The following INSYN2B variants were observed in gnomAD, a reference collection of about 807,000 sequenced individuals.
The protein encoded by INSYN2B is protein INSYN2B.
In INSYN2B, 16 loss-of-function variants were observed where a neutral mutation model predicts 41.2. That is an observed-to-expected ratio of 0.39 (90% CI 0.26 to 0.59). INSYN2B has a LOEUF of 0.59. Among genes scored for constraint, INSYN2B ranks in the 20% least tolerant of loss-of-function variants. INSYN2B has a pLI of 0.57. For missense variants in INSYN2B, 608 were observed against 646.4 expected, an observed-to-expected ratio of 0.94 and a Z score of 0.64; for synonymous variants, 245 against 244.4, an observed-to-expected ratio of 1.00 and a Z score of -0.02.
intron 1 of INSYN2B, among the ~76,000 whole-genome samples, chr5:169,896,364 C>T (rs1334400506): frequency 6.6e-6 from 1 of 152,270 alleles, no homozygotes; most frequent in East Asian, 1.9e-4. Flanking sequence ...TGGACAAGAG[C>T]TTGCATTCTG....
At chr5:169,946,933 G>T (rs983252933) in intron 1 of INSYN2B, among the ~76,000 whole-genome samples, 1 of 152,204 alleles carries the variant, frequency 6.6e-6, no homozygotes. Flanking sequence ...CGTGGGCAAG[G>T]CCCTGAGTCA....
intron 1 of INSYN2B, among the ~76,000 whole-genome samples, chr5:169,898,357 G>C (rs1773729614): frequency 1.3e-5 from 2 of 152,168 alleles, no homozygotes; most frequent in Admixed American, 6.5e-5. Context: ...CAGGTGTACT[G>C]TATGGTTAGG....
intron 1 of INSYN2B, among the ~76,000 whole-genome samples, chr5:169,900,311 T>G (rs1773850239): frequency 6.6e-6 from 1 of 152,224 alleles, no homozygotes; most frequent in South Asian, 2.1e-4. Flanking sequence ...GAGCCAGGCT[T>G]TCTATGATGA....
rs535908345 is a variant in INSYN2B, at chr5:169,862,784, C to G, written c.*1489G>C. ...TCACTATGACAGGGGAAGGTGAAAC[C>G]ATCGGAGTGGTTTGCTCAATTAGGC... On this transcript the variant is annotated 3_prime_UTR_variant, in exon 4 of 4. Coordinates refer to ENST00000377365, the MANE Select transcript of INSYN2B (RefSeq NM_001129891.3). 6.6e-6 allele frequency among the ~76,000 whole-genome samples: 1 copy of G among 152,158 alleles called. No homozygotes were observed. The highest frequency in any genetic ancestry group is 1.5e-5 in the Non-Finnish European group (1 of 68,034).
intron 1 of INSYN2B, among the ~76,000 whole-genome samples, chr5:169,947,909 A>G (rs1776509910): frequency 6.6e-6 from 1 of 152,100 alleles, no homozygotes; most frequent in Non-Finnish European, 1.5e-5. Context: ...ATAAAAAGTA[A>G]ATGTCACACC....
rs1009998350 is a variant in INSYN2B at position 169,863,253 on chromosome 5, G to T, written c.*1020C>A. On this transcript the variant is annotated 3_prime_UTR_variant, in exon 4 of 4. Coordinates refer to ENST00000377365, the MANE Select transcript of INSYN2B (RefSeq NM_001129891.3). Reference sequence around the variant, plus strand: ...CTAGTTTTTCAATCAGGTGACCATTGTCTGGTCACCAGGAAGGGAGACTGT... The same window carrying T: ...CTAGTTTTTCAATCAGGTGACCATTTTCTGGTCACCAGGAAGGGAGACTGT... 6.6e-6 allele frequency among the ~76,000 whole-genome samples: 1 copy of T among 152,122 alleles called. No individual in the cohort carries two copies. Among genetic ancestry groups the T allele is most frequent in the African/African-American group, 2.4e-5 (1 of 41,416 alleles).
intron 1 of INSYN2B, among the ~76,000 whole-genome samples, chr5:169,885,022 C>A (rs1043597301): frequency 2.0e-5 from 3 of 152,126 alleles, no homozygotes; most frequent in African/African-American, 7.2e-5. Flanking sequence ...TGCCTGGACC[C>A]TTTTCTCTCT....
intron 1 of INSYN2B, among the ~76,000 whole-genome samples, chr5:169,965,100 G>A (rs1000306459): frequency 4.0e-4 from 61 of 152,316 alleles, no homozygotes; most frequent in African/African-American, 1.3e-3. Flanking sequence ...ATCCATTGCT[G>A]CACATAGTAT....
intron 1 of INSYN2B, among the ~76,000 whole-genome samples, chr5:169,914,297 T>A (rs1774760733): frequency 6.6e-6 from 1 of 152,204 alleles, no homozygotes; most frequent in African/African-American, 2.4e-5. Context: ...TTCTGATTCT[T>A]TCATAACCCA....
At position 169,906,960 on chromosome 5, in the gene INSYN2B, T is replaced by G. The variant is rs549539765; in HGVS notation, c.-918-22144A>C. On this transcript the variant is annotated intron_variant, in intron 1 of 3. Coordinates refer to ENST00000377365, the MANE Select transcript of INSYN2B (RefSeq NM_001129891.3). ...TATCATTCAATAAATATTTATTGAG[T>G]TCTGCTATGAGTCAGGCACTGTCCT... 1.6e-4 allele frequency among the ~76,000 whole-genome samples: 24 copies of G among 152,286 alleles called. No homozygotes were observed. The South Asian group carries it at 4.6e-3, about 29-fold the overall frequency.
chr5:169,930,256 C>G (rs1421053708), intron 1 of INSYN2B, among the ~76,000 whole-genome samples: 1 of 152,168 alleles, frequency 6.6e-6, no homozygotes, highest in African/African-American at 2.4e-5. Context: ...TCCCAAAGTG[C>G]TGGGATTACA....
In INSYN2B at chr5:169,882,860, C is replaced by A; in HGVS notation, c.1039G>T (p.Ala347Ser). The A allele has an allele frequency of 6.4e-7, 1 of 1,551,220 alleles. No homozygotes were observed. Among genetic ancestry groups the A allele is most frequent in the Non-Finnish European group, 8.7e-7 (1 of 1,146,536 alleles). Residue 347 changes from alanine to serine, a missense_variant, in exon 2 of 4, where the codon GCA (alanine) becomes TCA (serine). Coordinates refer to ENST00000377365, the MANE Select transcript of INSYN2B (RefSeq NM_001129891.3). The stretch of plus-strand genomic sequence containing the variant: ...TGACACCCAGGGGCAGATTTCGATG[C>A]ACTGTTAGTTTTGAGTGACACCAGA... ...QNLVSLKTNS[A>S]SKSAPGCQEQ...
chr5:169,974,069 A>G (rs971540353), intron 1 of INSYN2B, among the ~76,000 whole-genome samples: 5 of 152,230 alleles, frequency 3.3e-5, no homozygotes, highest in African/African-American at 9.6e-5. Context: ...TTTAATGATA[A>G]TAAGATCATA....
intron 3 of INSYN2B, among the ~76,000 whole-genome samples, chr5:169,871,893 G>C (rs1772002382): frequency 6.6e-6 from 1 of 152,168 alleles, no homozygotes; most frequent in Non-Finnish European, 1.5e-5. Flanking sequence ...CAAAAAAGGT[G>C]CTCTCCTTCT....
At chr5:169,876,630 T>C (rs1389962923) in intron 3 of INSYN2B, among the ~76,000 whole-genome samples, 1 of 152,236 alleles carries the variant, frequency 6.6e-6, no homozygotes, top group African/African-American at 2.4e-5. Context: ...TTGTTGAAAG[T>C]ATGTGGCATT....
At position 169,884,090 on chromosome 5, in the gene INSYN2B, T is replaced by C. The variant is rs1444088967; in HGVS notation, c.-192A>G. 6 of 433,440 alleles carry C rather than the reference T, an allele frequency of 1.4e-5. No individual in the cohort carries two copies. The highest frequency in any genetic ancestry group is 3.9e-5 in the Admixed American group (1 of 25,922). The allele number at this position is 433,440 out of a possible 1,614,324, so 26.8% of individuals were successfully genotyped here. A position where few individuals can be genotyped will look rare whatever the true frequency, so the allele number is the denominator to read the frequency against. On this transcript the variant is annotated 5_prime_UTR_variant, in exon 2 of 4. Transcript: ENST00000377365. The stretch of plus-strand genomic sequence containing the variant: ...CTCTAGAGTCTACGTAGGAACTATC[T>C]GTAATGCTTTCCCTGCAGTTAAAAT...
intron 1 of INSYN2B, among the ~76,000 whole-genome samples, chr5:169,947,834 A>C (rs1276611123): frequency 6.6e-6 from 1 of 151,846 alleles, no homozygotes; most frequent in African/African-American, 2.4e-5. Context: ...AAATACATAC[A>C]GCATAAATAC....
At chr5:169,879,100 G>T (rs1772490421) in intron 3 of INSYN2B, among the ~76,000 whole-genome samples, 1 of 152,156 alleles carries the variant, frequency 6.6e-6, no homozygotes, top group South Asian at 2.1e-4. Flanking sequence ...AGCTGCTGGA[G>T]CCTCTGGGAA....
At chr5:169,901,418 G>GGTGT (rs149142184) in intron 1 of INSYN2B, among the ~76,000 whole-genome samples, 1 of 151,478 alleles carries the variant, frequency 6.6e-6, no homozygotes, top group East Asian at 1.9e-4. Context: ...GTTTACGAAG[G>GGTGT]GTGTGTGTGT....
Sources: allele counts gnomAD v4.1 joint callset (sites outside exome capture counted in the v4.1 genomes callset), GRCh38; gene constraint gnomAD v4.1.1; transcripts MANE v1.5; gene names NCBI Gene and HGNC (gene_info 2026-07-23, HGNC 2026-07-21).